The following SYT7 variants were observed in gnomAD, a reference collection of about 807,000 sequenced individuals.
SYT7 encodes synaptotagmin 7.
Under a neutral mutation model 75.1 loss-of-function variants are expected in SYT7, and 29 were observed. The observed-to-expected ratio is 0.39, with a 90% CI of 0.29 to 0.53. The LOEUF (loss-of-function observed/expected upper bound fraction) is 0.53, where lower values mean the gene tolerates loss of function less well. Among genes scored for constraint, SYT7 ranks in the 20% least tolerant of loss-of-function variants. The pLI is 0.77. For synonymous variants in SYT7, 376 were observed against 401.7 expected (o/e 0.94, Z 0.76); for missense variants, 693 against 953.2 (o/e 0.73, Z 3.59).
In SYT7 at chr11:61,523,182, T is replaced by C; in HGVS notation, c.1849A>G (p.Asn617Asp). 1.2e-6 allele frequency: 2 copies of C among 1,614,220 alleles called. No homozygotes were observed. Among genetic ancestry groups the C allele is most frequent in the East Asian group, 2.2e-5 (1 of 44,886 alleles). ...GGGATATCGAAGGCGAAGGACTCAT[T>C]GAAGATGGGGTTCAGGTTCCTCTTC... ...TMKRNLNPIFNESFAFDIPTE... is the reference protein window; with the variant it reads ...TMKRNLNPIFDESFAFDIPTE... Residue 617 changes from asparagine to aspartate, a missense_variant, in exon 12 of 13, where the codon AAT (asparagine) becomes GAT (aspartate). By Grantham distance (23) the Asn-to-Asp change is conservative. Around this residue, in one of 2 missense-constraint regions of SYT7, gnomAD observed 206 missense variants for 360.0 expected, o/e 0.57. Coordinates refer to ENST00000539008, the MANE Select transcript of SYT7 (RefSeq NM_001365809.2). This position sits in a 1 kb window ranked among gnomAD's most constrained non-coding sequence, Gnocchi z 5.0.
At position 61,514,402 on chromosome 11, in the gene SYT7, C is replaced by A. The variant is rs2062108246; in HGVS notation, c.*4225G>T. Among the ~76,000 whole-genome samples the A allele has an allele frequency of 6.6e-6, 1 of 152,190 alleles. No individual in the cohort carries two copies. The highest frequency in any genetic ancestry group is 2.4e-5 in the African/African-American group (1 of 41,446). On this transcript the variant is annotated 3_prime_UTR_variant, in exon 13 of 13. Coordinates refer to ENST00000539008, the MANE Select transcript of SYT7 (RefSeq NM_001365809.2). ...GGGTACTTAGTGCAGCTCCGGGAGG[C>A]AGCTGCTGGCCCCAAGTGCTGGGAG...
At chr11:61,521,650 G>C (rs926613220) in intron 12 of SYT7, among the ~76,000 whole-genome samples, 1 of 152,296 alleles carries the variant, frequency 6.6e-6, no homozygotes, top group Middle Eastern at 3.4e-3. Flanking sequence ...ATCTGTCTGA[G>C]GGTTGCCTCC....
chr11:61,538,375 GAGAGAGAGAGAGAA>G, intron 6 of SYT7, 109 bp from the exon 7 acceptor site: 4 of 895,342 alleles, frequency 4.5e-6, no homozygotes, highest in African/African-American at 1.7e-5. Context: ...GAGAGAGAGA[GAGAGAGAGAGAGAA>G]AGAGAGAGAG....
intron 5 of SYT7, among the ~76,000 whole-genome samples, chr11:61,543,357 T>C (rs1216242398): frequency 6.6e-6 from 1 of 152,154 alleles, no homozygotes; most frequent in Non-Finnish European, 1.5e-5. Context: ...TTCACCGCAG[T>C]TCTAACAGAG....
Position 61,580,720 on chromosome 11 carries a change from A to G in SYT7, c.31+70T>C. The G allele has an allele frequency of 1.9e-6, 2 of 1,069,498 alleles. No individual in the cohort carries two copies. The highest frequency in any genetic ancestry group is 4.3e-5 in the South Asian group (1 of 23,292). 66.3% of individuals were successfully genotyped at this position (1,069,498 alleles called of 1,614,324 possible). On this transcript the variant is annotated intron_variant, in intron 1 of 12. Coordinates refer to ENST00000539008, the MANE Select transcript of SYT7 (RefSeq NM_001365809.2). The surrounding 1 kb of genome is among the most constrained non-coding windows in gnomAD (Gnocchi z 6.1). ...AACAGCCCCAGGCTGGGGCTCCGAG[A>G]CGGCGTCCGGCGCTGCCGCTGTCCT...
intron 1 of SYT7, among the ~76,000 whole-genome samples, chr11:61,566,249 T>C (rs2063764483): frequency 6.6e-6 from 1 of 152,186 alleles, no homozygotes; most frequent in South Asian, 2.1e-4. Flanking sequence ...ATGGAGGTGA[T>C]GGTATCTTCT....
In SYT7 at chr11:61,551,480, A is replaced by C; in HGVS notation, c.136-17T>G. On this transcript the variant is annotated splice_polypyrimidine_tract_variant and intron_variant, in intron 2 of 12. Coordinates refer to ENST00000539008, the MANE Select transcript of SYT7 (RefSeq NM_001365809.2). This position sits in a 1 kb window ranked among gnomAD's most constrained non-coding sequence, Gnocchi z 5.3. ...GCGTTTGCCCTGTGGAGATAGCACT[A>C]GGATCACTCCTGGGGAACAGGACTG... is the stretch of plus-strand genomic sequence containing the variant. The C allele has an allele frequency of 1.2e-6, 2 of 1,612,910 alleles. No homozygotes were observed. Among genetic ancestry groups the C allele is most frequent in the Non-Finnish European group, 1.7e-6 (2 of 1,179,408 alleles).
rs574463852 is a variant in SYT7 at position 61,531,666 on chromosome 11, G to C, written c.1200+1323C>G. On this transcript the variant is annotated intron_variant, in intron 8 of 12. Transcript: ENST00000539008. Reference sequence around the variant, plus strand: ...CACAGCACTTTGGGAGGCCGAGGCAGGTGGATCACTTGAGGCTAAGAGTTT... The same window carrying C: ...CACAGCACTTTGGGAGGCCGAGGCACGTGGATCACTTGAGGCTAAGAGTTT... 2.6e-5 allele frequency among the ~76,000 whole-genome samples: 4 copies of C among 152,204 alleles called. No homozygotes were observed. The East Asian group carries it at 7.7e-4, about 29-fold the overall frequency.
rs192654873 is a variant in SYT7 at position 61,567,525 on chromosome 11, C to T, written c.32-11318G>A. Among the ~76,000 whole-genome samples the T allele has an allele frequency of 3.3e-5, 5 of 152,344 alleles. No homozygotes were observed. In the East Asian group the frequency reaches 9.7e-4, roughly 29 times the overall value. On this transcript the variant is annotated intron_variant, in intron 1 of 12. Transcript: ENST00000539008. ...TTCCGCCTTCCTCTGCCAATGCCTC[C>T]CTGATCAACCCTCAGCTGAAGCTAT...
chr11:61,546,373 A>T lies in SYT7; in HGVS notation c.348-118T>A. On this transcript the variant is annotated intron_variant, in intron 4 of 12. Transcript: ENST00000539008. This position sits in a 1 kb window ranked among gnomAD's most constrained non-coding sequence, Gnocchi z 7.6. ...AAGAGGAAGAAAAACAATAACAGAT[A>T]AAAGGAAGAAAGAGACAGTGAGAGA... 1 of 634,784 alleles carries T rather than the reference A, an allele frequency of 1.6e-6. No homozygotes were observed. Among genetic ancestry groups the T allele is most frequent in the Non-Finnish European group, 2.6e-6 (1 of 382,712 alleles). 39.3% of individuals were successfully genotyped at this position (634,784 alleles called of 1,614,324 possible).
chr11:61,564,521 G>C (rs1380041269), intron 1 of SYT7, among the ~76,000 whole-genome samples: 35 of 152,202 alleles, frequency 2.3e-4, no homozygotes, highest in Admixed American at 2.3e-3. Flanking sequence ...AGGCTCAGGA[G>C]GGTTAAATGC....
At chr11:61,569,983 C>T in intron 1 of SYT7, among the ~76,000 whole-genome samples, 1 of 152,258 alleles carries the variant, frequency 6.6e-6, no homozygotes, top group Non-Finnish European at 1.5e-5. Flanking sequence ...GGGCAGCCAG[C>T]TGACCTCCCT....
chr11:61,566,839 G>C (rs945011166), intron 1 of SYT7, among the ~76,000 whole-genome samples: 1 of 152,210 alleles, frequency 6.6e-6, no homozygotes, highest in African/African-American at 2.4e-5. Flanking sequence ...TGTTTCATTT[G>C]AGGATCTCAG....
At chr11:61,571,413 GCA>G (rs1302095356) in intron 1 of SYT7, among the ~76,000 whole-genome samples, 4 of 152,132 alleles carry the variant, frequency 2.6e-5, no homozygotes, top group Non-Finnish European at 5.9e-5. Context: ...GCAGGTCCAT[GCA>G]CACACACACA....
At chr11:61,578,504 A>G (rs1416867980) in intron 1 of SYT7, among the ~76,000 whole-genome samples, 1 of 152,000 alleles carries the variant, frequency 6.6e-6, no homozygotes, top group Non-Finnish European at 1.5e-5. Flanking sequence ...CAATTTGCAT[A>G]TCTCAGTACC....
upstream of SYT7, among the ~76,000 whole-genome samples, chr11:61,582,987 G>A (rs1374444771): frequency 6.6e-6 from 1 of 152,092 alleles, no homozygotes; most frequent in Non-Finnish European, 1.5e-5. Context: ...CAGCACTTTG[G>A]GATGACGGGG....
rs1210887912 is a variant in SYT7, at chr11:61,580,800, C to T, written c.21G>A (p.Ala7=). The change falls in exon 1 of 13, where the codon GCG becomes GCA. Residue 7 remains alanine (A), a synonymous_variant. Transcript: ENST00000539008. This position sits in a 1 kb window ranked among gnomAD's most constrained non-coding sequence, Gnocchi z 6.1. MYRDPE[A]ASPGAPSRDV... is the part of the protein sequence containing the mutation. ...CGGGGCCGCGCTTACCTGGGCTGGC[C>T]GCCTCCGGGTCCCGGTACATGGTCC... is the stretch of plus-strand genomic sequence containing the variant. 27 of 1,289,498 alleles carry T rather than the reference C, an allele frequency of 2.1e-5. No individual in the cohort carries two copies. Among genetic ancestry groups the T allele is most frequent in the Non-Finnish European group, 2.5e-5 (25 of 1,015,770 alleles). The allele number at this position is 1,289,498 out of a possible 1,614,324, so 79.9% of individuals were successfully genotyped here. A position where few individuals can be genotyped will look rare whatever the true frequency, so the allele number is the denominator to read the frequency against.
chr11:61,571,195 T>A (rs1048855090), intron 1 of SYT7, among the ~76,000 whole-genome samples: 3 of 152,210 alleles, frequency 2.0e-5, no homozygotes, highest in African/African-American at 7.2e-5. Context: ...GCCCCAGCGA[T>A]GTGTGCCCAT....
Position 61,542,618 on chromosome 11 carries a change from G to A in SYT7, c.573-39C>T. ...GAGGAGAGGAGAGAAAGGAGAAGCA[G>A]ATGAAGGGATCACAGTGGAAGAGAA... On this transcript the variant is annotated intron_variant, in intron 5 of 12. Transcript: ENST00000539008. The surrounding 1 kb of genome is among the most constrained non-coding windows in gnomAD (Gnocchi z 7.8). The A allele has an allele frequency of 2.1e-6, 3 of 1,458,118 alleles. No homozygotes were observed. The highest frequency in any genetic ancestry group is 2.7e-6 in the Non-Finnish European group (3 of 1,108,268). The allele number at this position is 1,458,118 out of a possible 1,614,324, so 90.3% of individuals were successfully genotyped here. A position where few individuals can be genotyped will look rare whatever the true frequency, so the allele number is the denominator to read the frequency against.
Sources: gnomAD v4.1 joint callset for allele counts (sites outside exome capture counted in the v4.1 genomes callset) on GRCh38, gnomAD v4.1.1 for gene constraint, gnomAD v4.1.1 regional missense constraint, Gnocchi (gnomAD v3.1) non-coding constraint, MANE v1.5 for transcripts, NCBI Gene and HGNC (gene_info 2026-07-23, HGNC 2026-07-21) for gene names.